Variants in ZNF716 observed in about 807,000 individuals in gnomAD.
The protein encoded by ZNF716 is zinc finger protein 716.
A neutral mutation model predicts 13.4 loss-of-function variants in ZNF716; 9 were observed. The ratio of observed to expected loss-of-function variants is 0.67; its 90% CI spans 0.41 to 1.18. The LOEUF (loss-of-function observed/expected upper bound fraction) is 1.18. ZNF716 is among the 50% of genes most tolerant of loss of function. The probability of loss-of-function intolerance (pLI) is 0.01; values close to 1 mark genes in which losing one functional copy is unlikely to be tolerated. For synonymous variants in ZNF716, 186 were observed against 195.2 expected, an observed-to-expected ratio of 0.95 and a Z score of 0.39; for missense variants, 581 against 576.6, an observed-to-expected ratio of 1.01 and a Z score of -0.08.
intron 3 of ZNF716, among the ~76,000 whole-genome samples, chr7:57,467,290 C>T (rs1789833573): frequency 6.6e-6 from 1 of 151,910 alleles, no homozygotes; most frequent in African/African-American, 2.4e-5. Context: ...CACAATAATG[C>T]CACAGACTTT....
At chr7:57,450,596 C>T (rs1789469519) in intron 1 of ZNF716, among the ~76,000 whole-genome samples, 1 of 152,126 alleles carries the variant, frequency 6.6e-6, no homozygotes, top group Non-Finnish European at 1.5e-5. Flanking sequence ...CTCCCAGCGC[C>T]TCATCTCACC....
intron 3 of ZNF716, among the ~76,000 whole-genome samples, chr7:57,465,376 T>G (rs10255898): frequency 6.6e-6 from 1 of 151,740 alleles, no homozygotes; most frequent in African/African-American, 2.4e-5. Context: ...TTTGACACAG[T>G]GTTTCTCACT....
intron 2 of ZNF716, among the ~76,000 whole-genome samples, 176 bp downstream of exon 2, chr7:57,462,762 T>G (rs1789731915): frequency 6.6e-6 from 1 of 152,228 alleles, no homozygotes; most frequent in Admixed American, 6.5e-5. Context: ...ACCTGAACTT[T>G]TCCCTTTCTT....
intron 1 of ZNF716, among the ~76,000 whole-genome samples, chr7:57,453,849 A>G (rs1423668715): frequency 2.6e-5 from 4 of 152,056 alleles, no homozygotes; most frequent in Non-Finnish European, 5.9e-5. Flanking sequence ...TCTTATTTTT[A>G]TTTTGGAGAC....
intron 3 of ZNF716, among the ~76,000 whole-genome samples, chr7:57,466,743 A>G (rs1227844466): frequency 6.6e-6 from 1 of 151,952 alleles, no homozygotes; most frequent in Non-Finnish European, 1.5e-5. Flanking sequence ...ACACTATATT[A>G]TGTTCTTCTG....
chr7:57,473,084 G>A lies in ZNF716; in HGVS notation c.*3135G>A, dbSNP rs1554325565. ...TTTTATGATCATAAAAATTACATGA[G>A]TATAATTAATACCCATACATTTCTG... On this transcript the variant is annotated 3_prime_UTR_variant, in exon 4 of 4. Transcript: ENST00000420713. 1 of 151,970 alleles carries A rather than the reference G, an allele frequency of 6.6e-6. No individual in the cohort carries two copies. The highest frequency in any genetic ancestry group is 2.4e-5 in the African/African-American group (1 of 41,372). The allele number at this position is 151,970 out of a possible 1,614,324, so 9.4% of individuals were successfully genotyped here. A position where few individuals can be genotyped will look rare whatever the true frequency, so the allele number is the denominator to read the frequency against.
At position 57,469,751 on chromosome 7, in the gene ZNF716, T is replaced by G; in HGVS notation, c.1290T>G (p.His430Gln). 1 of 1,611,944 alleles carries G rather than the reference T, an allele frequency of 6.2e-7. No homozygotes were observed. Among genetic ancestry groups the G allele is most frequent in the Non-Finnish European group, 8.5e-7 (1 of 1,178,998 alleles). ...SSTLKKHKII[H>Q]TGEKLYKCKE... ...CCCTTAAGAAACATAAGATAATTCA[T>G]ACTGGAGAGAAACTCTACAAATGTA... is the stretch of plus-strand genomic sequence containing the variant. The change falls in exon 4 of 4, where the codon CAT (histidine) becomes CAG (glutamine). Residue 430 changes from histidine to glutamine, a missense_variant. His to Gln is a conservative substitution (Grantham distance 24). Coordinates refer to ENST00000420713, the MANE Select transcript of ZNF716 (RefSeq NM_001159279.1).
At chr7:57,468,533 A>G (rs1789853805) in intron 3 of ZNF716, among the ~76,000 whole-genome samples, 191 bp from the exon 4 acceptor site, 1 of 152,172 alleles carries the variant, frequency 6.6e-6, no homozygotes, top group African/African-American at 2.4e-5. Context: ...CCTTACTTAT[A>G]AATTTCCCAC....
rs1789926729 is a variant in ZNF716 at position 57,471,098 on chromosome 7, C to G, written c.*1149C>G. On this transcript the variant is annotated 3_prime_UTR_variant, in exon 4 of 4. Coordinates refer to ENST00000420713, the MANE Select transcript of ZNF716 (RefSeq NM_001159279.1). Reference sequence around the variant, plus strand: ...CATTAATGTCTGTTCACATCTTACTCAATATCAGAAAGTTTATACTTAACA... The same window carrying G: ...CATTAATGTCTGTTCACATCTTACTGAATATCAGAAAGTTTATACTTAACA... 1 of 151,992 alleles carries G rather than the reference C, an allele frequency of 6.6e-6. No individual in the cohort carries two copies. The highest frequency in any genetic ancestry group is 2.4e-5 in the African/African-American group (1 of 41,392). 9.4% of individuals were successfully genotyped at this position (151,992 alleles called of 1,614,324 possible).
chr7:57,464,435 T>C (rs1554323729), intron 3 of ZNF716, among the ~76,000 whole-genome samples: 1 of 152,164 alleles, frequency 6.6e-6, no homozygotes, highest in Non-Finnish European at 1.5e-5. Flanking sequence ...TGTCCATTTC[T>C]AAATCATGTA....
intron 1 of ZNF716, among the ~76,000 whole-genome samples, chr7:57,452,738 T>C (rs782691455): frequency 2.6e-5 from 4 of 152,148 alleles, no homozygotes; most frequent in Non-Finnish European, 5.9e-5. Context: ...GACATCATAA[T>C]GTGTGGGTTG....
intron 3 of ZNF716, among the ~76,000 whole-genome samples, chr7:57,466,106 A>G (rs1331180697): frequency 2.0e-5 from 3 of 152,126 alleles, no homozygotes; most frequent in African/African-American, 7.2e-5. Flanking sequence ...TACTGGGTGC[A>G]GCACACCAGC....
In ZNF716 at chr7:57,471,913, A is replaced by G. The variant is rs1789945152; in HGVS notation, c.*1964A>G. On this transcript the variant is annotated 3_prime_UTR_variant, in exon 4 of 4. Coordinates refer to ENST00000420713, the MANE Select transcript of ZNF716 (RefSeq NM_001159279.1). ...AAGTAGATTTATTTGGAGATTTATA[A>G]TTACATTCGAGGTATGCTTCTTTCT... 2 of 152,218 alleles carry G rather than the reference A, an allele frequency of 1.3e-5. No individual in the cohort carries two copies. Among genetic ancestry groups the G allele is most frequent in the Non-Finnish European group, 2.9e-5 (2 of 68,034 alleles). 9.4% of individuals were successfully genotyped at this position (152,218 alleles called of 1,614,324 possible).
intron 3 of ZNF716, among the ~76,000 whole-genome samples, chr7:57,468,249 C>T (rs1789849565): frequency 6.6e-6 from 1 of 152,188 alleles, no homozygotes; most frequent in South Asian, 2.1e-4. Flanking sequence ...TGTTAACATT[C>T]ACTTTTGATT....
rs535726423 is a variant in ZNF716, at chr7:57,469,874, A to T, written c.1413A>T (p.Gln471His). 2 of 1,598,680 alleles carry T rather than the reference A, an allele frequency of 1.3e-6. No individual in the cohort carries two copies. Among genetic ancestry groups the T allele is most frequent in the Non-Finnish European group, 1.7e-6 (2 of 1,171,832 alleles). ...CCTACAAATGTGAAGAATGTGACCA[A>T]ACTTTTAAGTGGCATTCAAGTCTTG... ...EKPYKCEECDQTFKWHSSLAN... is the reference protein window; with the variant it reads ...EKPYKCEECDHTFKWHSSLAN... Residue 471 changes from glutamine to histidine, a missense_variant, in exon 4 of 4, where the codon CAA (glutamine) becomes CAT (histidine). Coordinates refer to ENST00000420713, the MANE Select transcript of ZNF716 (RefSeq NM_001159279.1).
In ZNF716 at chr7:57,470,014, A is replaced by T. The variant is rs782040291; in HGVS notation, c.*65A>T. 6.1e-5 allele frequency: 87 copies of T among 1,422,282 alleles called. No homozygotes were observed. The highest frequency in any genetic ancestry group is 7.6e-5 in the Non-Finnish European group (81 of 1,071,794). 88.1% of individuals were successfully genotyped at this position (1,422,282 alleles called of 1,614,324 possible). On this transcript the variant is annotated 3_prime_UTR_variant, in exon 4 of 4. Coordinates refer to ENST00000420713, the MANE Select transcript of ZNF716 (RefSeq NM_001159279.1). ...ATAATTTATACTGGAAAAAATCACTACAAGTGTGGAGAATGTGGCCAATTC... is the reference window on the plus strand; with the variant it reads ...ATAATTTATACTGGAAAAAATCACTTCAAGTGTGGAGAATGTGGCCAATTC...
chr7:57,450,206 G>C lies in ZNF716; in HGVS notation c.-83G>C. On this transcript the variant is annotated 5_prime_UTR_variant, in exon 1 of 4. Transcript: ENST00000420713. Reference sequence around the variant, plus strand: ...TTGCTTCTCTGCGCCCAGAGCTCCAGTCCTTCTCTTCACTGCTCTGCGTCC... The same window carrying C: ...TTGCTTCTCTGCGCCCAGAGCTCCACTCCTTCTCTTCACTGCTCTGCGTCC... The C allele has an allele frequency of 1.3e-6, 2 of 1,599,518 alleles. No homozygotes were observed. The highest frequency in any genetic ancestry group is 1.1e-5 in the South Asian group (1 of 90,150).
rs1278254964 is a variant in ZNF716, at chr7:57,450,192, C to T, written c.-97C>T. 2 of 1,568,396 alleles carry T rather than the reference C, an allele frequency of 1.3e-6. No individual in the cohort carries two copies. Among genetic ancestry groups the T allele is most frequent in the Admixed American group, 1.8e-5 (1 of 55,406 alleles). ...GTTACGGGTTCTTTTTGCTTCTCTG[C>T]GCCCAGAGCTCCAGTCCTTCTCTTC... On this transcript the variant is annotated 5_prime_UTR_variant, in exon 1 of 4. Transcript: ENST00000420713.
chr7:57,455,143 T>G (rs782291228), intron 1 of ZNF716, among the ~76,000 whole-genome samples: 13 of 152,122 alleles, frequency 8.5e-5, no homozygotes, highest in Middle Eastern at 3.4e-3. Context: ...GCAAACAAGT[T>G]TAGAAAGAGG....
Sources: allele counts gnomAD v4.1 joint callset (sites outside exome capture counted in the v4.1 genomes callset), GRCh38; gene constraint gnomAD v4.1.1; transcripts MANE v1.5; gene names NCBI Gene and HGNC (gene_info 2026-07-23, HGNC 2026-07-21).